Variants in FSTL5 observed in about 807,000 individuals in gnomAD.
FSTL5 encodes the protein follistatin like 5.
In FSTL5, 62 loss-of-function variants were observed where a neutral mutation model predicts 89.1. The observed-to-expected ratio is 0.70, with a 90% CI of 0.57 to 0.86. FSTL5 has a LOEUF of 0.86. FSTL5 is among the 40% of genes least tolerant of loss of function. FSTL5 has a pLI of 0.00. For synonymous variants in FSTL5, 383 were observed against 346.2 expected (o/e 1.11, Z -1.18); for missense variants, 1,057 against 1,001.6 (o/e 1.06, Z -0.75).
intron 7 of FSTL5, among the ~76,000 whole-genome samples, chr4:161,618,868 G>A (rs1381751317): frequency 6.6e-6 from 1 of 152,142 alleles, no homozygotes; most frequent in Non-Finnish European, 1.5e-5. Context: ...CCAAAAAAGA[G>A]CCTGCATCGC....
At chr4:161,843,166 T>C (rs1731264510) in intron 4 of FSTL5, among the ~76,000 whole-genome samples, 1 of 152,170 alleles carries the variant, frequency 6.6e-6, no homozygotes, top group South Asian at 2.1e-4. Flanking sequence ...TTATTCTCCT[T>C]GTCACAGGTT....
At chr4:161,678,860 T>C (rs1737413902) in intron 6 of FSTL5, among the ~76,000 whole-genome samples, 1 of 151,750 alleles carries the variant, frequency 6.6e-6, no homozygotes, top group African/African-American at 2.4e-5. Flanking sequence ...AATAAAACAT[T>C]AGTTCTAGCA....
intron 6 of FSTL5, among the ~76,000 whole-genome samples, chr4:161,738,761 A>C (rs966765426): frequency 6.6e-6 from 1 of 152,202 alleles, no homozygotes; most frequent in Non-Finnish European, 1.5e-5. Context: ...GCTTAACAAA[A>C]TATTAAACTA....
chr4:161,460,060 C>G (rs1244861303), intron 13 of FSTL5, among the ~76,000 whole-genome samples: 1 of 151,844 alleles, frequency 6.6e-6, no homozygotes, highest in Non-Finnish European at 1.5e-5. Flanking sequence ...ATTCATATTA[C>G]AAGCTAACAC....
chr4:162,036,939 G>T (rs1176321546), intron 2 of FSTL5, among the ~76,000 whole-genome samples: 3 of 151,872 alleles, frequency 2.0e-5, no homozygotes, highest in African/African-American at 7.2e-5. Flanking sequence ...TTACATGATG[G>T]AAATATGACT....
At chr4:161,943,533 TG>T (rs1432450101) in intron 3 of FSTL5, among the ~76,000 whole-genome samples, 1 of 107,800 alleles carries the variant, frequency 9.3e-6, no homozygotes, top group Non-Finnish European at 1.9e-5. Context: ...TCAGAACCAC[TG>T]TATCTTTTTT....
chr4:162,071,754 G>A (rs1341043714), intron 2 of FSTL5, among the ~76,000 whole-genome samples: 2 of 151,698 alleles, frequency 1.3e-5, no homozygotes, highest in African/African-American at 4.8e-5. Flanking sequence ...CACAACAGAA[G>A]TTTCAACGCA....
chr4:161,702,917 G>C (rs1364277683), intron 6 of FSTL5, among the ~76,000 whole-genome samples: 2 of 151,900 alleles, frequency 1.3e-5, no homozygotes, highest in Non-Finnish European at 2.9e-5. Context: ...CCATGAATGA[G>C]GCTGTATTTG....
At chr4:161,497,881 T>A (rs1730139841) in intron 12 of FSTL5, among the ~76,000 whole-genome samples, 1 of 151,908 alleles carries the variant, frequency 6.6e-6, no homozygotes, top group East Asian at 1.9e-4. Context: ...TCATTCATAT[T>A]TGGTTTCTAT....
intron 11 of FSTL5, among the ~76,000 whole-genome samples, chr4:161,505,774 G>A (rs1370866932): frequency 2.0e-5 from 3 of 151,704 alleles, no homozygotes; most frequent in Non-Finnish European, 4.4e-5. Context: ...TATAGATATC[G>A]CTACAAATGG....
intron 4 of FSTL5, among the ~76,000 whole-genome samples, chr4:161,870,944 T>C (rs1487686075): frequency 6.6e-6 from 1 of 152,130 alleles, no homozygotes; most frequent in Non-Finnish European, 1.5e-5. Flanking sequence ...CCTTAATATA[T>C]GTAGATACAT....
At chr4:161,434,391 T>TAGAGAGA (rs1732484763) in intron 15 of FSTL5, among the ~76,000 whole-genome samples, 1 of 152,114 alleles carries the variant, frequency 6.6e-6, no homozygotes, top group South Asian at 2.1e-4. Flanking sequence ...TCTCTTGCCA[T>TAGAGAGA]ACACAAAAAT....
At chr4:161,980,279 AAGAAAG>A (rs1396253683) in intron 3 of FSTL5, among the ~76,000 whole-genome samples, 1 of 135,858 alleles carries the variant, frequency 7.4e-6, no homozygotes, top group Non-Finnish European at 1.6e-5. Flanking sequence ...GAAAGAAAGA[AAGAAAG>A]AAAGAGAAAG....
At chr4:162,097,701 G>A (rs1730820552) in intron 2 of FSTL5, among the ~76,000 whole-genome samples, 1 of 151,666 alleles carries the variant, frequency 6.6e-6, no homozygotes, top group South Asian at 2.1e-4. Context: ...TAAAAAGTCA[G>A]AATGCAAAAG....
At chr4:161,504,242 G>A (rs1473210511) in intron 11 of FSTL5, among the ~76,000 whole-genome samples, 2 of 151,746 alleles carry the variant, frequency 1.3e-5, no homozygotes, top group East Asian at 3.9e-4. Flanking sequence ...CTAAATATTA[G>A]TAGATAGAGA....
intron 5 of FSTL5, among the ~76,000 whole-genome samples, chr4:161,766,990 C>T (rs1741037349): frequency 2.0e-5 from 3 of 152,120 alleles, no homozygotes; most frequent in Admixed American, 2.0e-4. Context: ...CATTCGGTTA[C>T]ATGACTCTCC....
chr4:162,003,887 G>T (rs1335467025), intron 3 of FSTL5, among the ~76,000 whole-genome samples: 1 of 152,134 alleles, frequency 6.6e-6, no homozygotes, highest in Non-Finnish European at 1.5e-5. Context: ...GGTAGTTTGT[G>T]CATGATTGTG....
Position 161,386,266 on chromosome 4 carries a change from TGGG to T in FSTL5, c.2022_2024del (p.Pro675del). The T allele has an allele frequency of 6.2e-7, 1 of 1,613,956 alleles. No individual in the cohort carries two copies. Among genetic ancestry groups the T allele is most frequent in the Non-Finnish European group, 8.5e-7 (1 of 1,179,946 alleles). On this transcript the variant is annotated inframe_deletion, in exon 16 of 16. Transcript: ENST00000306100. ...CAGTTACACCGTCCACCATGACCTGTGGGGAAACTGCTCCGGTGCTGTCAGGTT... is the reference window on the plus strand; with the variant it reads ...CAGTTACACCGTCCACCATGACCTGTGAAACTGCTCCGGTGCTGTCAGGTT...
In FSTL5 at chr4:161,870,255, T is replaced by C. The variant is rs142773216; in HGVS notation, c.409+50149A>G. ...ATGATAAATAATTGTTCTTCTGCTT[T>C]GCTTTTGTGTCTGTCTTTTCACAAG... On this transcript the variant is annotated intron_variant, in intron 4 of 15. Coordinates refer to ENST00000306100, the MANE Select transcript of FSTL5 (RefSeq NM_020116.5). Among the ~76,000 whole-genome samples the C allele has an allele frequency of 8.1e-3, 1,237 of 152,294 alleles. 14 individuals carry two copies. Among genetic ancestry groups the C allele is most frequent in the Middle Eastern group, 0.02 (6 of 294 alleles).
Sources: allele counts gnomAD v4.1 joint callset (sites outside exome capture counted in the v4.1 genomes callset), GRCh38; gene constraint gnomAD v4.1.1; transcripts MANE v1.5; gene names NCBI Gene and HGNC (gene_info 2026-07-23, HGNC 2026-07-21).